Variants in TTLL13 observed in about 807,000 individuals in gnomAD.
The protein encoded by TTLL13 is tubulin polyglutamylase TTLL13.
the TTLL13 span, chr15:90,250,613 C>T: frequency 3.1e-6 from 5 of 1,607,928 alleles, no homozygotes; most frequent in African/African-American, 4.0e-5. Context: ...ACCCCGCAAC[C>T]CCTCAGAATC....
the TTLL13 span, chr15:90,255,629 C>T: frequency 1.5e-6 from 2 of 1,374,278 alleles, no homozygotes; most frequent in Non-Finnish European, 2.0e-6. Context: ...GTCCTTGGTG[C>T]AGTGCTTACC....
chr15:90,249,947 T>TTTTTTTTTTTTATTTA, the TTLL13 span: 1 of 147,574 alleles, frequency 6.8e-6, no homozygotes, highest in East Asian at 2.0e-4. Context: ...CTGTATTTTA[T>TTTTTTTTTTTTATTTA]TTTATTTATT....
chr15:90,262,143 C>G, the TTLL13 span: 1 of 1,535,736 alleles, frequency 6.5e-7, no homozygotes, highest in Non-Finnish European at 8.7e-7. Context: ...CACAATGGCT[C>G]CCTCTTCCAA....
chr15:90,252,127 C>T, the TTLL13 span, among the ~76,000 whole-genome samples: 1 of 150,598 alleles, frequency 6.6e-6, no homozygotes, highest in Non-Finnish European at 1.5e-5. Flanking sequence ...GCAACCTCCA[C>T]CACCCAGGTT....
At chr15:90,255,972 C>T in the TTLL13 span, 28 of 1,595,250 alleles carry the variant, frequency 1.8e-5, no homozygotes, top group Non-Finnish European at 2.3e-5. Flanking sequence ...CTAGGAATGT[C>T]TCAGAGGGAT....
the TTLL13 span, among the ~76,000 whole-genome samples, chr15:90,251,990 T>C: frequency 6.6e-6 from 1 of 151,650 alleles, no homozygotes. Flanking sequence ...TCTTCCTATC[T>C]GAGCTTCCCA....
the TTLL13 span, chr15:90,262,898 G>T: frequency 6.8e-7 from 1 of 1,469,896 alleles, no homozygotes; most frequent in African/African-American, 1.4e-5. Context: ...GAGGCCTGTA[G>T]CCATCCTGGG....
the TTLL13 span, among the ~76,000 whole-genome samples, chr15:90,260,850 C>CAAAA: frequency 5.3e-4 from 32 of 60,238 alleles, no homozygotes; most frequent in African/African-American, 1.4e-3. Flanking sequence ...GACTCTGTCT[C>CAAAA]AAAAAAAAAA....
chr15:90,253,885 T>C, the TTLL13 span, among the ~76,000 whole-genome samples: 1 of 152,110 alleles, frequency 6.6e-6, no homozygotes, highest in Non-Finnish European at 1.5e-5. Context: ...AGCAATAAAA[T>C]AATTTAAAAG....
chr15:90,256,610 C>CTTTCTCT, the TTLL13 span, among the ~76,000 whole-genome samples: 4 of 40,468 alleles, frequency 9.9e-5, no homozygotes, highest in Admixed American at 3.3e-4. Context: ...TCTTTCTTTC[C>CTTTCTCT]TTCCTTCCTT....
the TTLL13 span, chr15:90,250,477 T>C: frequency 1.7e-4 from 144 of 862,006 alleles, no homozygotes; most frequent in Admixed American, 3.2e-4. Context: ...CATTCCTCAG[T>C]GAAACAGTTT....
At chr15:90,257,171 C>T in the TTLL13 span, 444 of 1,613,540 alleles carry the variant, frequency 2.8e-4, no homozygotes, top group Non-Finnish European at 3.5e-4. Context: ...GTTTGATATG[C>T]GAGTCTACGT....
chr15:90,258,119 C>G, the TTLL13 span: 1 of 1,614,246 alleles, frequency 6.2e-7, no homozygotes, highest in Non-Finnish European at 8.5e-7. Context: ...AGGACATCAT[C>G]ATCAAAACCA....
At chr15:90,256,626 CTTCCTTCCTTCCTTCT>C in the TTLL13 span, among the ~76,000 whole-genome samples, 12,924 of 79,324 alleles carry the variant, frequency 0.16, 1,026 homozygotes, top group Middle Eastern at 0.22. Context: ...TCCTTCCTTC[CTTCCTTCCTTCCTTCT>C]TTCTTTCTCC....
the TTLL13 span, chr15:90,262,226 G>C: frequency 6.7e-7 from 1 of 1,487,910 alleles, no homozygotes; most frequent in Non-Finnish European, 8.9e-7. Flanking sequence ...GCACACCTAG[G>C]TGGGGACAAG....
the TTLL13 span, chr15:90,264,797 C>T: frequency 6.5e-7 from 1 of 1,536,112 alleles, no homozygotes; most frequent in Non-Finnish European, 8.7e-7. Flanking sequence ...AACCCCAAAG[C>T]AGGGCTATTT....
chr15:90,262,768 AAGAG>A, the TTLL13 span: 8 of 1,257,034 alleles, frequency 6.4e-6, no homozygotes, highest in East Asian at 1.8e-4. Context: ...CCCCATGCAC[AAGAG>A]AGAGAGGAGT....
chr15:90,262,594 GA>G, the TTLL13 span: 1 of 1,534,440 alleles, frequency 6.5e-7, no homozygotes, highest in African/African-American at 1.4e-5. Context: ...CAGCTGGGGA[GA>G]AAAGCCGACC....
the TTLL13 span, chr15:90,250,498 G>C: frequency 1.8e-6 from 2 of 1,112,206 alleles, no homozygotes; most frequent in Non-Finnish European, 2.5e-6. Context: ...TGTCCTGAAG[G>C]GGCAGCAACT....
Sources: gnomAD v4.1 joint callset for allele counts (sites outside exome capture counted in the v4.1 genomes callset) on GRCh38, gnomAD v4.1.1 for gene constraint, MANE v1.5 for transcripts, NCBI Gene and HGNC (gene_info 2026-07-23, HGNC 2026-07-21) for gene names.